The following MVB12B variants were observed in gnomAD, a reference collection of about 807,000 sequenced individuals.
The protein encoded by MVB12B is ESCRT-I complex subunit MVB12B.
A neutral mutation model predicts 41.6 loss-of-function variants in MVB12B; 16 were observed. The ratio of observed to expected loss-of-function variants is 0.38; its 90% CI spans 0.26 to 0.58. The LOEUF is 0.58. MVB12B is among the 20% of genes least tolerant of loss of function. MVB12B has a pLI of 0.62. For synonymous variants in MVB12B, 133 were observed against 139.7 expected (o/e 0.95, Z 0.34); for missense variants, 274 against 380.2 (o/e 0.72, Z 2.32).
chr9:126,460,117 C>T (rs1266984447), intron 7 of MVB12B, among the ~76,000 whole-genome samples: 3 of 152,136 alleles, frequency 2.0e-5, no homozygotes, highest in Non-Finnish European at 4.4e-5. Context: ...CTGTGTGCTC[C>T]CTGGCCGCTG....
chr9:126,424,796 A>G (rs1158518810), intron 7 of MVB12B, among the ~76,000 whole-genome samples: 1 of 152,036 alleles, frequency 6.6e-6, no homozygotes, highest in Non-Finnish European at 1.5e-5. Flanking sequence ...CCAAACGGCC[A>G]CGGCCACAAA....
At chr9:126,409,276 G>T (rs1240408506) in intron 6 of MVB12B, among the ~76,000 whole-genome samples, 1 of 150,080 alleles carries the variant, frequency 6.7e-6, no homozygotes, top group African/African-American at 2.5e-5. Flanking sequence ...TGTTCTCTTT[G>T]TCATCACTTT....
chr9:126,382,236 G>A (rs995237458), intron 3 of MVB12B, among the ~76,000 whole-genome samples: 1 of 151,958 alleles, frequency 6.6e-6, no homozygotes, highest in Admixed American at 6.6e-5. Flanking sequence ...GTGTCCCCTT[G>A]GTGTTTTCTG....
chr9:126,416,241 T>TG (rs1831821010), intron 6 of MVB12B, among the ~76,000 whole-genome samples: 1 of 152,176 alleles, frequency 6.6e-6, no homozygotes, highest in Non-Finnish European at 1.5e-5. Context: ...CTCGCGTACT[T>TG]GCATGTGCTC....
rs1833622222 is a variant in MVB12B at position 126,486,508 on chromosome 9, G to T, written c.873+2476G>T. On this transcript the variant is annotated intron_variant, in intron 9 of 9. Transcript: ENST00000361171. The surrounding 1 kb of genome is among the most constrained non-coding windows in gnomAD (Gnocchi z 4.7). Reference sequence around the variant, plus strand: ...TTACCATGGGGTCACGGCAGAACCTGTCTCACGGGGTGCTTTGTGATGCCA... The same window carrying T: ...TTACCATGGGGTCACGGCAGAACCTTTCTCACGGGGTGCTTTGTGATGCCA... Among the ~76,000 whole-genome samples, 1 of 152,244 alleles carries T rather than the reference G, an allele frequency of 6.6e-6. No individual in the cohort carries two copies. Among genetic ancestry groups the T allele is most frequent in the South Asian group, 2.1e-4 (1 of 4,830 alleles).
intron 3 of MVB12B, among the ~76,000 whole-genome samples, chr9:126,384,117 A>C (rs1830706489): frequency 6.6e-6 from 1 of 152,116 alleles, no homozygotes; most frequent in Non-Finnish European, 1.5e-5. Context: ...ATTATGATAG[A>C]TTAGACCAGG....
At chr9:126,363,750 GT>G (rs1830089202) in intron 2 of MVB12B, among the ~76,000 whole-genome samples, 1 of 152,148 alleles carries the variant, frequency 6.6e-6, no homozygotes, top group South Asian at 2.1e-4. Flanking sequence ...TAATTTTCAT[GT>G]TCTCATTCTG....
intron 1 of MVB12B, among the ~76,000 whole-genome samples, chr9:126,336,754 G>GTGCA (rs1554766434): frequency 6.7e-6 from 1 of 150,292 alleles, no homozygotes; most frequent in Non-Finnish European, 1.5e-5. Flanking sequence ...GTGTGTGCAC[G>GTGCA]CACACACACA....
intron 8 of MVB12B, among the ~76,000 whole-genome samples, chr9:126,483,734 T>C (rs1339130662): frequency 6.6e-6 from 1 of 152,018 alleles, no homozygotes; most frequent in Non-Finnish European, 1.5e-5. Context: ...TAGGCAAAGG[T>C]CCCGCAGCAC....
At chr9:126,423,276 A>G (rs1832078647) in intron 7 of MVB12B, among the ~76,000 whole-genome samples, 1 of 152,180 alleles carries the variant, frequency 6.6e-6, no homozygotes, top group South Asian at 2.1e-4. Flanking sequence ...GCGTTTGGCT[A>G]CACCCACTTT....
intron 2 of MVB12B, among the ~76,000 whole-genome samples, chr9:126,346,114 A>G (rs1307450755): frequency 1.3e-5 from 2 of 152,140 alleles, no homozygotes; most frequent in Non-Finnish European, 2.9e-5. Context: ...AGATTTTAAG[A>G]AAAAAGAGGC....
chr9:126,339,055 T>A (rs966224394), intron 1 of MVB12B, among the ~76,000 whole-genome samples: 1 of 152,204 alleles, frequency 6.6e-6, no homozygotes, highest in African/African-American at 2.4e-5. Context: ...TTGTTAAGCT[T>A]TGTTGTAAAC....
chr9:126,384,719 G>C (rs1368981452), intron 3 of MVB12B, among the ~76,000 whole-genome samples: 1 of 151,788 alleles, frequency 6.6e-6, no homozygotes, highest in East Asian at 1.9e-4. Context: ...TTTAAGTAGA[G>C]ACAGGGTTTC....
rs1218173612 is a variant in MVB12B, at chr9:126,395,618, C to T, written c.583C>T (p.Pro195Ser). ...GATCTGGTATCGAATGGGCAGAGTACCAAGAAATCATGACTCATCTCAACC... is the reference window on the plus strand; with the variant it reads ...GATCTGGTATCGAATGGGCAGAGTATCAAGAAATCATGACTCATCTCAACC... ...MGIWYRMGRV[P>S]RNHDSSQPTT... The change falls in exon 6 of 10, where the codon CCA becomes TCA. Residue 195 changes from proline (P) to serine (S), a missense_variant. By Grantham distance (74) the Pro-to-Ser change is moderately conservative. Transcript: ENST00000361171. The surrounding 1 kb of genome is among the most constrained non-coding windows in gnomAD (Gnocchi z 4.9). 1 of 1,614,122 alleles carries T rather than the reference C, an allele frequency of 6.2e-7. No homozygotes were observed. The highest frequency in any genetic ancestry group is 8.5e-7 in the Non-Finnish European group (1 of 1,180,020).
chr9:126,408,432 C>G (rs550149097), intron 6 of MVB12B: 1 of 148,120 alleles, frequency 6.8e-6, no homozygotes, highest in Non-Finnish European at 1.5e-5. Flanking sequence ...CTGATGGATC[C>G]GGATCCGGGG....
At chr9:126,373,560 G>A (rs1830398846) in intron 2 of MVB12B, among the ~76,000 whole-genome samples, 1 of 152,202 alleles carries the variant, frequency 6.6e-6, no homozygotes, top group African/African-American at 2.4e-5. Context: ...TGAATTGTGG[G>A]TGGGCTCTCT....
intron 2 of MVB12B, among the ~76,000 whole-genome samples, chr9:126,361,497 A>G (rs971111282): frequency 1.3e-5 from 2 of 152,102 alleles, no homozygotes; most frequent in Admixed American, 1.3e-4. Context: ...AGTTATCCCT[A>G]TGGTACTATT....
At chr9:126,479,697 C>T (rs1038164676) in intron 7 of MVB12B, among the ~76,000 whole-genome samples, 1 of 152,202 alleles carries the variant, frequency 6.6e-6, no homozygotes, top group Non-Finnish European at 1.5e-5. Flanking sequence ...CTGTCTAAGT[C>T]CAGCAGCCAC....
At chr9:126,452,519 C>G (rs914546253) in intron 7 of MVB12B, among the ~76,000 whole-genome samples, 4 of 152,240 alleles carry the variant, frequency 2.6e-5, no homozygotes, top group Non-Finnish European at 5.9e-5. Context: ...ACACATTCAG[C>G]AGGGCCTCAG....
Sources: allele counts gnomAD v4.1 joint callset (sites outside exome capture counted in the v4.1 genomes callset), GRCh38; gene constraint gnomAD v4.1.1; non-coding constraint Gnocchi (gnomAD v3.1); transcripts MANE v1.5; gene names NCBI Gene and HGNC (gene_info 2026-07-23, HGNC 2026-07-21).